The following CACNG2 variants were observed in gnomAD, a reference collection of about 807,000 sequenced individuals.
CACNG2 encodes calcium voltage-gated channel auxiliary subunit gamma 2, also known as voltage-dependent calcium channel gamma-2 subunit.
In CACNG2, 3 loss-of-function variants were observed where a neutral mutation model predicts 25.9. That is an observed-to-expected ratio of 0.12 (90% confidence interval 0.05 to 0.30). The LOEUF (loss-of-function observed/expected upper bound fraction) is 0.30. Ranked by LOEUF, CACNG2 falls within the 10% of genes least tolerant of loss-of-function variation. The pLI is 1.00. For synonymous variants in CACNG2, 167 were observed against 173.3 expected, an observed-to-expected ratio of 0.96 and a Z score of 0.29; for missense variants, 341 against 432.5, an observed-to-expected ratio of 0.79 and a Z score of 1.88.
At chr22:36,586,259 G>T (rs550660848) in intron 2 of CACNG2, among the ~76,000 whole-genome samples, 78 of 152,332 alleles carry the variant, frequency 5.1e-4, no homozygotes, top group African/African-American at 1.9e-3. Context: ...CACGTTTACC[G>T]CACAGCTGGG....
At chr22:36,696,317 T>TTCTCTCCATCTCTCTCTCCC (rs1937340392) in intron 1 of CACNG2, among the ~76,000 whole-genome samples, 1 of 152,144 alleles carries the variant, frequency 6.6e-6, no homozygotes, top group Non-Finnish European at 1.5e-5. Context: ...CTCTCTCTCT[T>TTCTCTCCATCTCTCTCTCCC]TCTCTCCATC....
chr22:36,657,720 G>A (rs780508106), intron 1 of CACNG2, among the ~76,000 whole-genome samples: 18 of 151,606 alleles, frequency 1.2e-4, no homozygotes, highest in South Asian at 2.1e-4. Flanking sequence ...AGATTGGCCC[G>A]CAAATGGACA....
At chr22:36,635,283 C>CAAAAAAAA (rs138390510) in intron 1 of CACNG2, among the ~76,000 whole-genome samples, 1 of 67,608 alleles carries the variant, frequency 1.5e-5, no homozygotes. Flanking sequence ...GACCCCGTCT[C>CAAAAAAAA]AAAAAAAAAA....
intron 1 of CACNG2, among the ~76,000 whole-genome samples, chr22:36,675,422 A>G (rs1937007812): frequency 6.6e-6 from 1 of 152,178 alleles, no homozygotes; most frequent in Admixed American, 6.5e-5. Context: ...TCCTGACCCA[A>G]TAGTCAAGCT....
At chr22:36,656,745 C>T (rs1003136436) in intron 1 of CACNG2, among the ~76,000 whole-genome samples, 4 of 152,218 alleles carry the variant, frequency 2.6e-5, no homozygotes, top group Non-Finnish European at 4.4e-5. Context: ...TTACTTTCGC[C>T]TTGAGACTTT....
In CACNG2 at chr22:36,683,040, G is replaced by A. The variant is rs138342302; in HGVS notation, c.211+19326C>T. ...CAAAGGGGGCTCTTACAGCCAACTA[G>A]CTCATGATCGCTCCGGGCCCTCCAA... On this transcript the variant is annotated intron_variant, in intron 1 of 3. Transcript: ENST00000300105. Among the ~76,000 whole-genome samples, 241 of 152,280 alleles carry A rather than the reference G, an allele frequency of 1.6e-3. 2 individuals carry two copies. Among genetic ancestry groups the A allele is most frequent in the African/African-American group, 5.7e-3 (235 of 41,534 alleles).
intron 1 of CACNG2, among the ~76,000 whole-genome samples, chr22:36,593,624 C>T (rs1935629664): frequency 1.3e-5 from 2 of 152,006 alleles, no homozygotes; most frequent in Non-Finnish European, 2.9e-5. Context: ...CTAGAAGGTG[C>T]CATGGCAAGG....
At chr22:36,618,451 C>T (rs2283988) in intron 1 of CACNG2, among the ~76,000 whole-genome samples, 13,348 of 152,302 alleles carry the variant, frequency 0.088, 805 homozygotes, top group East Asian at 0.23. Context: ...CTCTACCTCT[C>T]TGCCTTCCTG....
At chr22:36,566,017 T>C (rs568528065) in intron 3 of CACNG2, among the ~76,000 whole-genome samples, 210 of 152,306 alleles carry the variant, frequency 1.4e-3, no homozygotes, top group African/African-American at 4.7e-3. Context: ...GGGTGCCCTC[T>C]CTCCAGCCTC....
chr22:36,601,135 T>C (rs1326225695), intron 1 of CACNG2, among the ~76,000 whole-genome samples: 5 of 152,166 alleles, frequency 3.3e-5, no homozygotes, highest in Non-Finnish European at 2.9e-5. Flanking sequence ...GACCTATATC[T>C]CTCCATTTCT....
chr22:36,612,631 A>G (rs6000350), intron 1 of CACNG2, among the ~76,000 whole-genome samples: 8,892 of 152,258 alleles, frequency 0.058, 514 homozygotes, highest in African/African-American at 0.14. Flanking sequence ...CTTGGCCAGC[A>G]TCCGCCTGGT....
At chr22:36,612,836 C>T (rs1355485617) in intron 1 of CACNG2, among the ~76,000 whole-genome samples, 1 of 152,182 alleles carries the variant, frequency 6.6e-6, no homozygotes, top group African/African-American at 2.4e-5. Flanking sequence ...GTCTTTTGTC[C>T]TAAGCTTGGG....
At chr22:36,660,325 C>G (rs897931142) in intron 1 of CACNG2, among the ~76,000 whole-genome samples, 15 of 152,230 alleles carry the variant, frequency 9.9e-5, no homozygotes, top group Non-Finnish European at 1.9e-4. Flanking sequence ...CTGGTGGAGC[C>G]GGGCCCGTGA....
rs576187379 is a variant in CACNG2, at chr22:36,667,085, G to A, written c.211+35281C>T. On this transcript the variant is annotated intron_variant, in intron 1 of 3. Transcript: ENST00000300105. ...GCTCACTGCAACCTCCACCTCCAGG[G>A]TTCAAGCAATTCTCCTGCCTCAGCC... Among the ~76,000 whole-genome samples the A allele has an allele frequency of 3.2e-3, 490 of 151,872 alleles. 1 individual carries two copies. The highest frequency in any genetic ancestry group is 5.1e-3 in the Non-Finnish European group (349 of 67,928).
At chr22:36,571,452 A>G (rs550952378) in intron 2 of CACNG2, among the ~76,000 whole-genome samples, 9 of 151,306 alleles carry the variant, frequency 5.9e-5, no homozygotes, top group Admixed American at 2.6e-4. Context: ...GCGAGGTTCC[A>G]TCTCAGAAAA....
chr22:36,651,045 C>T (rs1936604330), intron 1 of CACNG2, among the ~76,000 whole-genome samples: 2 of 152,250 alleles, frequency 1.3e-5, no homozygotes, highest in South Asian at 4.1e-4. Flanking sequence ...TAGAAACATT[C>T]TAGTCCACTT....
At chr22:36,594,463 T>C (rs571468358) in intron 1 of CACNG2, among the ~76,000 whole-genome samples, 1 of 152,334 alleles carries the variant, frequency 6.6e-6, no homozygotes, top group South Asian at 2.1e-4. Flanking sequence ...TCAAGGAACT[T>C]GCAGTCTATG....
Position 36,700,143 on chromosome 22 carries a change from A to G in CACNG2, c.211+2223T>C, listed in dbSNP as rs555901685. Among the ~76,000 whole-genome samples the G allele has an allele frequency of 5.9e-5, 9 of 152,382 alleles. No individual in the cohort carries two copies. In the South Asian group the frequency reaches 1.7e-3, roughly 28 times the overall value. On this transcript the variant is annotated intron_variant, in intron 1 of 3. Transcript: ENST00000300105. The stretch of plus-strand genomic sequence containing the variant: ...GGCCCAACCCACAGTGCCTGTGCGC[A>G]TCGCACAATCCTTGGGAAGTGTTGC...
At chr22:36,598,069 C>T (rs1312746106) in intron 1 of CACNG2, among the ~76,000 whole-genome samples, 1 of 152,204 alleles carries the variant, frequency 6.6e-6, no homozygotes, top group Non-Finnish European at 1.5e-5. Flanking sequence ...TTATAATTCA[C>T]GGGTTCACTT....
Sources: gnomAD v4.1 joint callset for allele counts (sites outside exome capture counted in the v4.1 genomes callset) on GRCh38, gnomAD v4.1.1 for gene constraint, MANE v1.5 for transcripts, NCBI Gene and HGNC (gene_info 2026-07-23, HGNC 2026-07-21) for gene names.